The following GRXCR1 variants were observed in gnomAD, a reference collection of about 807,000 sequenced individuals.
GRXCR1 encodes the protein glutaredoxin and cysteine rich domain containing 1.
GRXCR1 carries 27 observed loss-of-function variants against 27.3 expected under a neutral mutation model. The ratio of observed to expected loss-of-function variants is 0.99; its 90% CI spans 0.73 to 1.37. The LOEUF (loss-of-function observed/expected upper bound fraction) is 1.37. Ranked by LOEUF, GRXCR1 falls within the 40% of genes most tolerant of loss-of-function variation. The probability of loss-of-function intolerance (pLI) is 0.00; values close to 1 mark genes in which losing one functional copy is unlikely to be tolerated. For synonymous variants in GRXCR1, 122 were observed against 131.1 expected, an observed-to-expected ratio of 0.93 and a Z score of 0.47; for missense variants, 379 against 354.4, an observed-to-expected ratio of 1.07 and a Z score of -0.56.
intron 2 of GRXCR1, among the ~76,000 whole-genome samples, chr4:42,985,236 C>A (rs1711677206): frequency 1.3e-5 from 2 of 152,180 alleles, no homozygotes; most frequent in African/African-American, 4.8e-5. Context: ...TTGCTTCACT[C>A]TTCTCTCCTA....
rs369603397 is a variant in GRXCR1 at position 42,920,182 on chromosome 4, GC to G, written c.384+26535del. ...TGACAAATGACTTCTAGAACTGGCT[GC>G]CCTACTTGGAGTCAGCAATTGGCAA... On this transcript the variant is annotated intron_variant, in intron 1 of 3. Coordinates refer to ENST00000399770, the MANE Select transcript of GRXCR1 (RefSeq NM_001080476.3). 9.9e-5 allele frequency among the ~76,000 whole-genome samples: 15 copies of G among 152,244 alleles called. No individual in the cohort carries two copies. In the South Asian group the frequency reaches 2.3e-3, roughly 23 times the overall value.
rs138404327 is a variant in GRXCR1 at position 43,003,725 on chromosome 4, G to T, written c.628-16629G>T. ...ATCTGGCAGAAGAAATTTCTAAGCA[G>T]CAAAGCATTCAAGAAATTGCCTGGC... On this transcript the variant is annotated intron_variant, in intron 2 of 3. Transcript: ENST00000399770. Among the ~76,000 whole-genome samples the T allele has an allele frequency of 2.6e-5, 4 of 152,294 alleles. No homozygotes were observed. In the East Asian group the frequency reaches 5.8e-4, roughly 22 times the overall value.
At chr4:43,004,659 A>G (rs1197593686) in intron 2 of GRXCR1, among the ~76,000 whole-genome samples, 3 of 152,192 alleles carry the variant, frequency 2.0e-5, no homozygotes, top group Admixed American at 6.5e-5. Context: ...TTAAGATTTC[A>G]TAACTGCCCT....
chr4:42,932,948 G>A (rs1328218668), intron 1 of GRXCR1, among the ~76,000 whole-genome samples: 1 of 151,694 alleles, frequency 6.6e-6, no homozygotes. Flanking sequence ...ACTAAGGAAA[G>A]GAGGTCAGTG....
chr4:42,968,181 A>G (rs1748294077), intron 2 of GRXCR1, among the ~76,000 whole-genome samples: 1 of 151,986 alleles, frequency 6.6e-6, no homozygotes, highest in Non-Finnish European at 1.5e-5. Context: ...TTCAGGAAGT[A>G]CCCCAGCCCT....
chr4:42,970,082 C>T (rs1023614488), intron 2 of GRXCR1, among the ~76,000 whole-genome samples: 1 of 152,164 alleles, frequency 6.6e-6, no homozygotes, highest in East Asian at 1.9e-4. Context: ...AAAATAATCT[C>T]CTGTGACTCC....
chr4:42,977,254 T>C (rs1470778503), intron 2 of GRXCR1, among the ~76,000 whole-genome samples: 1 of 152,066 alleles, frequency 6.6e-6, no homozygotes, highest in Non-Finnish European at 1.5e-5. Context: ...ATGTTGACTG[T>C]TATGAATAAT....
In GRXCR1 at chr4:42,970,793, T is replaced by G. The variant is rs147814043; in HGVS notation, c.627+7659T>G. Among the ~76,000 whole-genome samples, 207 of 152,304 alleles carry G rather than the reference T, an allele frequency of 1.4e-3. 1 individual carries two copies. Among genetic ancestry groups the G allele is most frequent in the Admixed American group, 0.011 (162 of 15,292 alleles). The stretch of plus-strand genomic sequence containing the variant: ...TTAACATTCAGGTCCTTTTTACGTA[T>G]GCAAATTTCTTCAGCCAGCAGCTTG... On this transcript the variant is annotated intron_variant, in intron 2 of 3. Coordinates refer to ENST00000399770, the MANE Select transcript of GRXCR1 (RefSeq NM_001080476.3).
intron 1 of GRXCR1, among the ~76,000 whole-genome samples, chr4:42,919,032 T>C (rs1205026816): frequency 3.3e-5 from 5 of 152,156 alleles, no homozygotes; most frequent in African/African-American, 1.2e-4. Context: ...ATGTCAATAA[T>C]AGCCAGCATA....
chr4:42,923,191 T>A (rs746939477), intron 1 of GRXCR1, among the ~76,000 whole-genome samples: 6 of 152,124 alleles, frequency 3.9e-5, no homozygotes, highest in South Asian at 4.1e-4. Context: ...AGCCCTGCCT[T>A]CCCAGGCTAA....
intron 2 of GRXCR1, among the ~76,000 whole-genome samples, chr4:43,003,487 C>A (rs867168700): frequency 1.2e-4 from 19 of 152,142 alleles, no homozygotes; most frequent in African/African-American, 4.1e-4. Context: ...AAGTTTGCAA[C>A]TTCATAGAGA....
At chr4:42,977,515 A>T (rs1748551022) in intron 2 of GRXCR1, among the ~76,000 whole-genome samples, 1 of 152,030 alleles carries the variant, frequency 6.6e-6, no homozygotes, top group African/African-American at 2.4e-5. Context: ...AGCAGGCATG[A>T]GGTGAACTCT....
At chr4:42,911,905 T>A (rs1464179566) in intron 1 of GRXCR1, among the ~76,000 whole-genome samples, 2 of 152,136 alleles carry the variant, frequency 1.3e-5, no homozygotes, top group Non-Finnish European at 2.9e-5. Context: ...ACATAAGGTA[T>A]GTTTAAGAGC....
At chr4:42,925,065 A>G (rs560118211) in intron 1 of GRXCR1, among the ~76,000 whole-genome samples, 43 of 152,132 alleles carry the variant, frequency 2.8e-4, no homozygotes, top group African/African-American at 1.0e-3. Flanking sequence ...GAAAGAGAAA[A>G]AAAAAAAAGA....
intron 2 of GRXCR1, among the ~76,000 whole-genome samples, chr4:42,986,218 G>T (rs1577932749): frequency 6.6e-6 from 1 of 152,204 alleles, no homozygotes; most frequent in East Asian, 1.9e-4. Context: ...TGGTCCTGAT[G>T]GTGCTTATTT....
intron 1 of GRXCR1, among the ~76,000 whole-genome samples, chr4:42,953,720 T>A (rs905790335): frequency 4.6e-5 from 7 of 152,144 alleles, no homozygotes; most frequent in Non-Finnish European, 7.4e-5. Context: ...CATTTGAGCT[T>A]ATGAGGTTGA....
chr4:42,949,651 T>TA (rs1400583151), intron 1 of GRXCR1, among the ~76,000 whole-genome samples: 6 of 152,154 alleles, frequency 3.9e-5, no homozygotes, highest in Non-Finnish European at 8.8e-5. Context: ...TCGCTATTTA[T>TA]AAAAAATATT....
chr4:42,962,428 A>G, intron 1 of GRXCR1, among the ~76,000 whole-genome samples: 1 of 151,982 alleles, frequency 6.6e-6, no homozygotes, highest in East Asian at 1.9e-4. Context: ...TGTTATTCCC[A>G]GGAAATTGTT....
At chr4:43,003,492 T>C (rs997924843) in intron 2 of GRXCR1, among the ~76,000 whole-genome samples, 8 of 152,138 alleles carry the variant, frequency 5.3e-5, no homozygotes, top group African/African-American at 1.9e-4. Context: ...TGCAACTTCA[T>C]AGAGACTTGT....
Sources: gnomAD v4.1 joint callset for allele counts (sites outside exome capture counted in the v4.1 genomes callset) on GRCh38, gnomAD v4.1.1 for gene constraint, MANE v1.5 for transcripts, NCBI Gene and HGNC (gene_info 2026-07-23, HGNC 2026-07-21) for gene names.